Variants in CDKAL1 observed in about 807,000 individuals in gnomAD.
CDKAL1 encodes the protein CDKAL1 threonylcarbamoyladenosine tRNA methylthiotransferase.
Under a neutral mutation model 68.2 loss-of-function variants are expected in CDKAL1, and 32 were observed. That is an observed-to-expected ratio of 0.47 (90% CI 0.35 to 0.63). The LOEUF (loss-of-function observed/expected upper bound fraction) is 0.63, where lower values mean the gene tolerates loss of function less well. CDKAL1 is among the 30% of genes least tolerant of loss of function. The pLI, the probability that CDKAL1 is intolerant of heterozygous loss-of-function variation, is 0.00. For synonymous variants in CDKAL1, 234 were observed against 244.3 expected (o/e 0.96, Z 0.39); for missense variants, 606 against 696.7 (o/e 0.87, Z 1.47).
intron 12 of CDKAL1, among the ~76,000 whole-genome samples, chr6:21,084,476 T>G (rs1389856084): frequency 6.6e-6 from 1 of 152,182 alleles, no homozygotes; most frequent in Non-Finnish European, 1.5e-5. Flanking sequence ...TTTTTAGTTT[T>G]TAGGGGGAAT....
intron 6 of CDKAL1, among the ~76,000 whole-genome samples, chr6:20,741,902 G>A (rs983820976): frequency 1.3e-5 from 2 of 152,042 alleles, no homozygotes; most frequent in African/African-American, 4.8e-5. Context: ...TTCCATAATG[G>A]TTGAACTAAT....
chr6:20,593,513 G>A (rs765895137), intron 4 of CDKAL1, among the ~76,000 whole-genome samples: 1 of 151,332 alleles, frequency 6.6e-6, no homozygotes, highest in Admixed American at 6.6e-5. Flanking sequence ...GATCAGTGGT[G>A]ATCTCCCCTT....
At chr6:20,763,785 T>C (rs776431056) in intron 7 of CDKAL1, among the ~76,000 whole-genome samples, 8 of 152,238 alleles carry the variant, frequency 5.3e-5, no homozygotes, top group African/African-American at 9.6e-5. Context: ...CTTGTTTTCA[T>C]TTATCTGTCT....
intron 9 of CDKAL1, among the ~76,000 whole-genome samples, chr6:20,889,508 T>G (rs1033744631): frequency 8.5e-5 from 13 of 152,172 alleles, no homozygotes; most frequent in Non-Finnish European, 1.6e-4. Flanking sequence ...GTTTTAGGTC[T>G]AACATGTAAG....
intron 10 of CDKAL1, among the ~76,000 whole-genome samples, chr6:20,997,781 A>C (rs1767199754): frequency 6.6e-6 from 1 of 152,070 alleles, no homozygotes; most frequent in African/African-American, 2.4e-5. Flanking sequence ...TTTCTCCTTC[A>C]CTTGCTAGTT....
At position 21,185,224 on chromosome 6, in the gene CDKAL1, T is replaced by TAA. The variant is rs35442433; in HGVS notation, c.1300-12785_1300-12784dup. Among the ~76,000 whole-genome samples, 236 of 142,792 alleles carry TAA rather than the reference T, an allele frequency of 1.7e-3. 2 individuals carry two copies. The highest frequency in any genetic ancestry group is 3.6e-3 in the Middle Eastern group (1 of 280). 93.7% of individuals were successfully genotyped at this position (142,792 alleles called of 152,430 possible). ...TATTGTGTTTGGCAGGAGAGGCCAT[T>TAA]AAAAAAAAAAAAAGCAGCCCTCATA... On this transcript the variant is annotated intron_variant, in intron 13 of 15. Coordinates refer to ENST00000274695, the MANE Select transcript of CDKAL1 (RefSeq NM_017774.3).
chr6:20,930,560 TA>T (rs1266399557), intron 9 of CDKAL1, among the ~76,000 whole-genome samples: 1 of 152,224 alleles, frequency 6.6e-6, no homozygotes, highest in Non-Finnish European at 1.5e-5. Flanking sequence ...GCTGGTCCAG[TA>T]AACAAAACCC....
chr6:20,668,744 G>A (rs1769669835), intron 5 of CDKAL1, among the ~76,000 whole-genome samples: 1 of 152,118 alleles, frequency 6.6e-6, no homozygotes, highest in South Asian at 2.1e-4. Context: ...TTCCAGTTCA[G>A]GATCCAGTTT....
chr6:21,134,948 T>C (rs1406265299), intron 13 of CDKAL1, among the ~76,000 whole-genome samples: 1 of 145,494 alleles, frequency 6.9e-6, no homozygotes, highest in Admixed American at 6.8e-5. Context: ...GTTTAATTTC[T>C]TCTATTAAGT....
Position 20,911,167 on chromosome 6 carries a change from T to C in CDKAL1, c.743-44252T>C, listed in dbSNP as rs1039573641. 1.8e-4 allele frequency among the ~76,000 whole-genome samples: 27 copies of C among 152,232 alleles called. 1 individual carries two copies. The highest frequency in any genetic ancestry group is 6.5e-5 in the Admixed American group (1 of 15,284). On this transcript the variant is annotated intron_variant, in intron 9 of 15. Coordinates refer to ENST00000274695, the MANE Select transcript of CDKAL1 (RefSeq NM_017774.3). ...GGAGTATCTAATTTGATATTTATGA[T>C]AACGAGTAAGTTAGGCACTATTCAT...
chr6:20,993,104 A>AG (rs1346769360), intron 10 of CDKAL1, among the ~76,000 whole-genome samples: 2 of 152,084 alleles, frequency 1.3e-5, no homozygotes, highest in Non-Finnish European at 2.9e-5. Context: ...TCATGAAATG[A>AG]GGGAAAATGG....
chr6:20,995,411 T>G lies in CDKAL1; in HGVS notation c.910-4816T>G, dbSNP rs933768110. Among the ~76,000 whole-genome samples, 6 of 152,360 alleles carry G rather than the reference T, an allele frequency of 3.9e-5. No homozygotes were observed. In the East Asian group the frequency reaches 1.2e-3, roughly 29 times the overall value. On this transcript the variant is annotated intron_variant, in intron 10 of 15. Transcript: ENST00000274695. ...TATAGCCTTACAAAAATGTATTTCT[T>G]ATATAATGAACTTGAAAGTTGAAAT...
At chr6:20,639,961 G>A (rs1184233551) in intron 4 of CDKAL1, among the ~76,000 whole-genome samples, 2 of 152,218 alleles carry the variant, frequency 1.3e-5, no homozygotes, top group Non-Finnish European at 2.9e-5. Flanking sequence ...GAGCCACCGC[G>A]CCGACCATTT....
intron 4 of CDKAL1, among the ~76,000 whole-genome samples, chr6:20,592,333 T>G (rs1004838871): frequency 2.0e-5 from 3 of 152,222 alleles, no homozygotes; most frequent in Admixed American, 6.5e-5. Flanking sequence ...TCTCTTCCTA[T>G]TCGAATACCC....
chr6:21,223,582 A>C (rs1294704439), intron 15 of CDKAL1, among the ~76,000 whole-genome samples: 1 of 149,798 alleles, frequency 6.7e-6, no homozygotes, highest in Non-Finnish European at 1.5e-5. Flanking sequence ...AAGGCCTCTA[A>C]ACAACATGAC....
intron 8 of CDKAL1, among the ~76,000 whole-genome samples, chr6:20,830,651 C>T (rs1303631094): frequency 3.3e-5 from 5 of 152,108 alleles, no homozygotes; most frequent in African/African-American, 1.2e-4. Flanking sequence ...TCCCTTTTCT[C>T]TACCCCTTCT....
intron 8 of CDKAL1, among the ~76,000 whole-genome samples, chr6:20,835,290 C>G (rs1290780277): frequency 6.6e-6 from 1 of 151,942 alleles, no homozygotes; most frequent in Non-Finnish European, 1.5e-5. Context: ...TCAATTTTAC[C>G]TCAATAAAGC....
At chr6:20,936,285 C>G (rs1288974109) in intron 9 of CDKAL1, among the ~76,000 whole-genome samples, 2 of 108,238 alleles carry the variant, frequency 1.8e-5, no homozygotes, top group East Asian at 3.1e-4. Context: ...GAGTCTCGCT[C>G]TGTCGCCCAG....
At chr6:21,206,884 G>A (rs1778959255) in intron 15 of CDKAL1, among the ~76,000 whole-genome samples, 2 of 151,778 alleles carry the variant, frequency 1.3e-5, no homozygotes. Context: ...ACTTTAAAAA[G>A]CAGTGGTTTC....
Sources: allele counts gnomAD v4.1 joint callset (sites outside exome capture counted in the v4.1 genomes callset), GRCh38; gene constraint gnomAD v4.1.1; transcripts MANE v1.5; gene names NCBI Gene and HGNC (gene_info 2026-07-23, HGNC 2026-07-21).